The following PPP2R5D variants were observed in gnomAD, a reference collection of about 807,000 sequenced individuals.
PPP2R5D encodes the protein serine/threonine-protein phosphatase 2A 56 kDa regulatory subunit delta isoform.
Under a neutral mutation model 79.1 loss-of-function variants are expected in PPP2R5D, and 12 were observed. The observed-to-expected ratio is 0.15, with a 90% CI of 0.10 to 0.25. The LOEUF is 0.25. Among genes scored for constraint, PPP2R5D ranks in the 10% least tolerant of loss-of-function variants. PPP2R5D has a pLI of 1.00. For synonymous variants in PPP2R5D, 277 were observed against 286.6 expected, an observed-to-expected ratio of 0.97 and a Z score of 0.34; for missense variants, 419 against 760.2, an observed-to-expected ratio of 0.55 and a Z score of 5.28.
chr6:43,011,072 A>G lies in PPP2R5D; in HGVS notation c.1671+75A>G, dbSNP rs1214644962. ...GAGAGGAGACAGAAACAGCAGAGCC[A>G]AAGAATAAGGGGACGGAACAATAGA... On this transcript the variant is annotated intron_variant, in intron 15 of 15. Transcript: ENST00000485511. 35 of 1,611,316 alleles carry G rather than the reference A, an allele frequency of 2.2e-5. 1 individual carries two copies. The South Asian group carries it at 3.2e-4, about 15-fold the overall frequency.
At chr6:42,995,449 G>A (rs1195566750) in intron 2 of PPP2R5D, among the ~76,000 whole-genome samples, 1 of 151,990 alleles carries the variant, frequency 6.6e-6, no homozygotes, top group Non-Finnish European at 1.5e-5. Context: ...CCTATCTTCT[G>A]ATATGACAAC....
At chr6:42,991,675 C>T (rs777943260) in intron 2 of PPP2R5D, among the ~76,000 whole-genome samples, 9 of 152,198 alleles carry the variant, frequency 5.9e-5, no homozygotes, top group Admixed American at 2.0e-4. Context: ...AATGAGTGAA[C>T]GAGTGAATGA....
rs868346590 is a variant in PPP2R5D at position 42,993,930 on chromosome 6, A to G, written c.105+4242A>G. On this transcript the variant is annotated intron_variant, in intron 2 of 15. Coordinates refer to ENST00000485511, the MANE Select transcript of PPP2R5D (RefSeq NM_006245.4). ...CCAGGCACTGTGCTAAGTACTTTGC[A>G]TACATTGTCTCATTTAACCTTCACA... Among the ~76,000 whole-genome samples the G allele has an allele frequency of 7.2e-5, 11 of 152,366 alleles. No homozygotes were observed. In the South Asian group the frequency reaches 2.3e-3, roughly 32 times the overall value.
chr6:42,999,209 A>T (rs1286041237), intron 2 of PPP2R5D, among the ~76,000 whole-genome samples: 1 of 152,204 alleles, frequency 6.6e-6, no homozygotes, highest in Non-Finnish European at 1.5e-5. Flanking sequence ...TGCACAAGTT[A>T]GTGGCTGGGG....
rs1762095265 is a variant in PPP2R5D, at chr6:43,006,614, G to A, written c.257G>A (p.Arg86Gln). Residue 86 changes from arginine to glutamine, a missense_variant, in exon 3 of 16, where the codon CGG becomes CAG. Arg to Gln is a conservative substitution (Grantham distance 43). This residue lies in a region of PPP2R5D where 110 missense variants were observed against 147.6 expected (regional missense o/e 0.75). Coordinates refer to ENST00000485511, the MANE Select transcript of PPP2R5D (RefSeq NM_006245.4). This position sits in a 1 kb window ranked among gnomAD's most constrained non-coding sequence, Gnocchi z 4.7. ...CCCCAGATTGTCAAGAAGGAGCGACGGCAAAGCTCCTCCCGCTTCAACCTC... is the reference window on the plus strand; with the variant it reads ...CCCCAGATTGTCAAGAAGGAGCGACAGCAAAGCTCCTCCCGCTTCAACCTC... ...GGPQIVKKER[R>Q]QSSSRFNLSK... 7.4e-6 allele frequency: 12 copies of A among 1,614,140 alleles called. No individual in the cohort carries two copies. The highest frequency in any genetic ancestry group is 2.2e-5 in the East Asian group (1 of 44,882).
Position 43,010,572 on chromosome 6 carries a change from G to C in PPP2R5D, c.1481+3G>C. ...CAATACAAGGCAGAGAAGCAGAAGT[G>C]AGTATCTCTCTCCCCGGGAGACTTT... On this transcript the variant is annotated splice_donor_region_variant and intron_variant, in intron 13 of 15. Coordinates refer to ENST00000485511, the MANE Select transcript of PPP2R5D (RefSeq NM_006245.4). This position sits in a 1 kb window ranked among gnomAD's most constrained non-coding sequence, Gnocchi z 4.7. The C allele has an allele frequency of 1.2e-6, 2 of 1,613,832 alleles. No individual in the cohort carries two copies. Among genetic ancestry groups the C allele is most frequent in the Non-Finnish European group, 1.7e-6 (2 of 1,179,770 alleles).
intron 2 of PPP2R5D, among the ~76,000 whole-genome samples, chr6:42,999,822 A>G (rs1317240762): frequency 6.6e-6 from 1 of 151,562 alleles, no homozygotes; most frequent in African/African-American, 2.4e-5. Flanking sequence ...CGGCCTCCCA[A>G]AGAGCTGGGA....
At chr6:42,985,292 G>C (rs1323913768) in intron 1 of PPP2R5D, among the ~76,000 whole-genome samples, 1 of 152,162 alleles carries the variant, frequency 6.6e-6, no homozygotes, top group Non-Finnish European at 1.5e-5. Context: ...ACACAAACTT[G>C]TAAGCAGGAC....
chr6:43,012,289 G>A lies in PPP2R5D; in HGVS notation c.*1003G>A. 1 of 1,381,770 alleles carries A rather than the reference G, an allele frequency of 7.2e-7. No homozygotes were observed. The highest frequency in any genetic ancestry group is 1.9e-5 in the South Asian group (1 of 51,714). The allele number at this position is 1,381,770 out of a possible 1,614,324, so 85.6% of individuals were successfully genotyped here. A position where few individuals can be genotyped will look rare whatever the true frequency, so the allele number is the denominator to read the frequency against. On this transcript the variant is annotated 3_prime_UTR_variant, in exon 16 of 16. Transcript: ENST00000485511. Reference sequence around the variant, plus strand: ...AGTGATACATGCTAAGGTGGGTTGGGCTTGGACCGATGTCCCCATATGTAC... The same window carrying A: ...AGTGATACATGCTAAGGTGGGTTGGACTTGGACCGATGTCCCCATATGTAC...
At chr6:42,990,189 C>T (rs750004219) in intron 2 of PPP2R5D, among the ~76,000 whole-genome samples, 3 of 152,092 alleles carry the variant, frequency 2.0e-5, no homozygotes, top group Admixed American at 6.6e-5. Context: ...TTAGCAATCT[C>T]GGGTTATAAA....
intron 1 of PPP2R5D, among the ~76,000 whole-genome samples, chr6:42,989,036 G>A (rs1037392085): frequency 6.6e-6 from 1 of 152,150 alleles, no homozygotes; most frequent in Non-Finnish European, 1.5e-5. Context: ...TGTCAACTGA[G>A]GTGCTCTTGG....
chr6:42,997,066 G>A (rs1427977433), intron 2 of PPP2R5D, among the ~76,000 whole-genome samples: 2 of 152,178 alleles, frequency 1.3e-5, no homozygotes, highest in East Asian at 3.9e-4. Flanking sequence ...GAGTGTCTTG[G>A]CTCACTGCAA....
intron 2 of PPP2R5D, among the ~76,000 whole-genome samples, chr6:42,995,418 C>G (rs1430121770): frequency 6.6e-6 from 1 of 152,064 alleles, no homozygotes; most frequent in African/African-American, 2.4e-5. Context: ...CAGGTGTGAG[C>G]CACTGTGCCC....
In PPP2R5D at chr6:43,010,770, G is replaced by A; in HGVS notation, c.1554+34G>A. On this transcript the variant is annotated intron_variant, in intron 14 of 15. Transcript: ENST00000485511. The surrounding 1 kb of genome is among the most constrained non-coding windows in gnomAD (Gnocchi z 4.7). ...TTCCTGCCACTGTTGTGAACTGAGGGGCCAGCCCATCTTGAGCTGGGGGAG... is the reference window on the plus strand; with the variant it reads ...TTCCTGCCACTGTTGTGAACTGAGGAGCCAGCCCATCTTGAGCTGGGGGAG... The A allele has an allele frequency of 6.2e-7, 1 of 1,611,602 alleles. No homozygotes were observed. Among genetic ancestry groups the A allele is most frequent in the Non-Finnish European group, 8.5e-7 (1 of 1,177,696 alleles).
In PPP2R5D at chr6:43,010,337, G is replaced by A. The variant is rs1762291590; in HGVS notation, c.1380-131G>A. ...CAGAGCTCTCTTCTGATACTGCACA[G>A]AGGTTTGTGAACTGGAAGTAGTAAA... On this transcript the variant is annotated intron_variant, in intron 12 of 15. Transcript: ENST00000485511. The surrounding 1 kb of genome is among the most constrained non-coding windows in gnomAD (Gnocchi z 4.7). The A allele has an allele frequency of 1.4e-6, 1 of 720,800 alleles. No individual in the cohort carries two copies. The highest frequency in any genetic ancestry group is 2.4e-6 in the Non-Finnish European group (1 of 415,314). The allele number at this position is 720,800 out of a possible 1,614,324, so 44.7% of individuals were successfully genotyped here.
chr6:42,984,799 C>T, intron 1 of PPP2R5D, 95 bp downstream of exon 1: 1 of 1,558,496 alleles, frequency 6.4e-7, no homozygotes, highest in South Asian at 1.2e-5. Flanking sequence ...CCAGACTGAC[C>T]CTCCCGTCCA....
Position 43,008,237 on chromosome 6 carries a change from T to C in PPP2R5D, c.894T>C (p.Ala298=), listed in dbSNP as rs999616194. The change falls in exon 8 of 16, where the codon GCT becomes GCC. Residue 298 remains alanine, a synonymous_variant. Transcript: ENST00000485511. This position sits in a 1 kb window ranked among gnomAD's most constrained non-coding sequence, Gnocchi z 4.2. The part of the protein sequence containing the change: ...IYETEHHNGI[A]ELLEILGSII... The stretch of plus-strand genomic sequence containing the variant: ...AGACGGAGCATCACAACGGGATTGC[T>C]GAGCTCCTGGAGATCCTGGGCAGGT... The C allele has an allele frequency of 2.0e-5, 32 of 1,614,086 alleles. No individual in the cohort carries two copies. Among genetic ancestry groups the C allele is most frequent in the African/African-American group, 2.7e-5 (2 of 74,910 alleles).
At chr6:42,992,994 C>G (rs1448993521) in intron 2 of PPP2R5D, among the ~76,000 whole-genome samples, 1 of 151,452 alleles carries the variant, frequency 6.6e-6, no homozygotes, top group Non-Finnish European at 1.5e-5. Flanking sequence ...AACACTGTCT[C>G]TACTAAAAAT....
chr6:43,007,874 C>G lies in PPP2R5D; in HGVS notation c.727-61C>G. The G allele has an allele frequency of 1.2e-6, 2 of 1,604,554 alleles. No homozygotes were observed. The highest frequency in any genetic ancestry group is 1.7e-6 in the Non-Finnish European group (2 of 1,172,860). Reference sequence around the variant, plus strand: ...TTCCCCTGGCGGGACCTATGTCACCCTGGCCACTGCCTTCCCTGGCTGCTG... The same window carrying G: ...TTCCCCTGGCGGGACCTATGTCACCGTGGCCACTGCCTTCCCTGGCTGCTG... On this transcript the variant is annotated intron_variant, in intron 6 of 15. Transcript: ENST00000485511. The surrounding 1 kb of genome is among the most constrained non-coding windows in gnomAD (Gnocchi z 4.5).
Sources: gnomAD v4.1 joint callset for allele counts (sites outside exome capture counted in the v4.1 genomes callset) on GRCh38, gnomAD v4.1.1 for gene constraint, gnomAD v4.1.1 regional missense constraint, Gnocchi (gnomAD v3.1) non-coding constraint, MANE v1.5 for transcripts, NCBI Gene and HGNC (gene_info 2026-07-23, HGNC 2026-07-21) for gene names.